CASK: variants seen among roughly 807,000 people sequenced by gnomAD.
CASK encodes calcium/calmodulin dependent serine protein kinase, also known as peripheral plasma membrane protein CASK.
CASK carries 4 observed loss-of-function variants against 82.9 expected under a neutral mutation model. That is an observed-to-expected ratio of 0.05 (90% CI 0.02 to 0.11). The LOEUF (loss-of-function observed/expected upper bound fraction) is 0.11, where lower values mean the gene tolerates loss of function less well. Among genes scored for constraint, CASK ranks in the 10% least tolerant of loss-of-function variants. The pLI is 1.00. For synonymous variants in CASK, 259 were observed against 253.5 expected, an observed-to-expected ratio of 1.02 and a Z score of -0.20; for missense variants, 358 against 720.9, an observed-to-expected ratio of 0.50 and a Z score of 5.76.
intron 12 of CASK, among the ~76,000 whole-genome samples, chrX:41,604,572 C>T (rs1179378318): frequency 9.1e-6 from 1 of 109,948 alleles, no homozygotes; most frequent in Non-Finnish European, 1.9e-5. Context: ...GACTTTCCAG[C>T]CTCCAGAACT....
intron 2 of CASK, among the ~76,000 whole-genome samples, chrX:41,791,680 G>A (rs954257033): frequency 8.5e-5 from 9 of 105,829 alleles, no homozygotes; most frequent in East Asian, 3.0e-4. Flanking sequence ...CCGAGATCAC[G>A]CCACTGCATT....
intron 22 of CASK, among the ~76,000 whole-genome samples, chrX:41,540,897 C>A (rs1475143458): frequency 8.9e-6 from 1 of 112,572 alleles, no homozygotes; most frequent in Admixed American, 9.4e-5. Context: ...TACTGGCAAA[C>A]TGAATACTCA....
intron 2 of CASK, among the ~76,000 whole-genome samples, chrX:41,847,954 T>C (rs1281406270): frequency 8.9e-6 from 1 of 112,360 alleles, no homozygotes; most frequent in East Asian, 2.8e-4. Flanking sequence ...CTTAGATTTT[T>C]CCTGAGCTTG....
chrX:41,587,140 C>A, intron 13 of CASK, 153 bp from the exon 14 acceptor site: 1 of 429,542 alleles, frequency 2.3e-6, no homozygotes. Flanking sequence ...GTTATTAATA[C>A]ATAGAAGAAC....
chrX:41,859,915 T>C (rs1256837589), intron 1 of CASK, among the ~76,000 whole-genome samples: 1 of 111,666 alleles, frequency 9.0e-6, no homozygotes, highest in African/African-American at 3.3e-5. Context: ...TCATTCAGCA[T>C]TCATGGTAAC....
chrX:41,541,456 C>G (rs747020364), intron 22 of CASK, among the ~76,000 whole-genome samples: 6 of 111,890 alleles, frequency 5.4e-5, no homozygotes, highest in Non-Finnish European at 9.4e-5. Context: ...CTTCATAAAA[C>G]CAAAAAAGCC....
intron 1 of CASK, among the ~76,000 whole-genome samples, chrX:41,865,322 C>T (rs913216269): frequency 9.0e-6 from 1 of 111,712 alleles, no homozygotes; most frequent in Non-Finnish European, 1.9e-5. Context: ...AAGGCAACTC[C>T]GTATTTCCTT....
At chrX:41,633,816 G>C (rs921992613) in intron 9 of CASK, among the ~76,000 whole-genome samples, 11 of 108,768 alleles carry the variant, frequency 1.0e-4, no homozygotes, top group African/African-American at 3.7e-4. Context: ...CTGGAGTGCA[G>C]TGGCGTGATC....
At chrX:41,610,054 C>T (rs752969038) in intron 11 of CASK, 29 bp from the exon 12 acceptor site, 1 of 1,200,382 alleles carries the variant, frequency 8.3e-7, no homozygotes, top group Non-Finnish European at 1.1e-6. Flanking sequence ...AAAGAAACAG[C>T]CAGTATAGAA....
chrX:41,736,161 C>T (rs1183876721), intron 5 of CASK, among the ~76,000 whole-genome samples: 1 of 112,087 alleles, frequency 8.9e-6, no homozygotes, highest in Non-Finnish European at 1.9e-5. Context: ...GTATTCTATT[C>T]ACCCATGTAA....
At chrX:41,607,418 GGCAATGACCTAA>G (rs1202876077) in intron 12 of CASK, among the ~76,000 whole-genome samples, 2 of 112,285 alleles carry the variant, frequency 1.8e-5, no homozygotes, top group Non-Finnish European at 3.8e-5. Context: ...AAATCTACCT[GGCAATGACCTAA>G]GCACTGACCA....
At chrX:41,613,823 C>T (rs898334171) in intron 11 of CASK, among the ~76,000 whole-genome samples, 16 of 111,172 alleles carry the variant, frequency 1.4e-4, no homozygotes, top group African/African-American at 5.2e-4. Context: ...CTGTTCTTAT[C>T]CATACTTTCC....
chrX:41,556,894 A>G (rs772848885), intron 19 of CASK, 138 bp downstream of exon 19: 5 of 525,078 alleles, frequency 9.5e-6, no homozygotes, highest in Non-Finnish European at 1.7e-5. Context: ...TTCCAGGAGT[A>G]AAGTGCATTG....
intron 15 of CASK, among the ~76,000 whole-genome samples, chrX:41,577,115 T>A (rs755836144): frequency 5.2e-4 from 59 of 112,385 alleles, no homozygotes; most frequent in Non-Finnish European, 8.8e-4. Context: ...TTTTTCCTCT[T>A]CTAAAGATAT....
intron 2 of CASK, among the ~76,000 whole-genome samples, chrX:41,827,010 A>C (rs2070682924): frequency 8.9e-6 from 1 of 112,137 alleles, no homozygotes; most frequent in Non-Finnish European, 1.9e-5. Flanking sequence ...CAGTTTATTA[A>C]GGCAAAAAAT....
intron 3 of CASK, among the ~76,000 whole-genome samples, chrX:41,770,927 T>C (rs986817196): frequency 9.0e-6 from 1 of 110,932 alleles, no homozygotes; most frequent in East Asian, 2.8e-4. Context: ...TCTACCAATA[T>C]TTAATTTGGT....
chrX:41,775,106 C>A (rs1424614730), intron 3 of CASK, among the ~76,000 whole-genome samples: 30 of 106,767 alleles, frequency 2.8e-4, no homozygotes, highest in South Asian at 8.8e-4. Flanking sequence ...CAACCTACAA[C>A]ATGGGAGAAA....
At chrX:41,727,269 G>A in intron 5 of CASK, 1 of 1,208,533 alleles carries the variant, frequency 8.3e-7, no homozygotes, top group Non-Finnish European at 1.1e-6. Context: ...GTTTCCAATG[G>A]GAATATCAAT....
intron 15 of CASK, among the ~76,000 whole-genome samples, chrX:41,576,077 C>T (rs1040796754): frequency 3.7e-5 from 4 of 109,480 alleles, no homozygotes; most frequent in African/African-American, 1.3e-4. Context: ...CGGGTTCAAG[C>T]GATTCTTCTG....
Sources: gnomAD v4.1 joint callset for allele counts (sites outside exome capture counted in the v4.1 genomes callset) on GRCh38, gnomAD v4.1.1 for gene constraint, MANE v1.5 for transcripts, NCBI Gene and HGNC (gene_info 2026-07-23, HGNC 2026-07-21) for gene names.